Variants in DLGAP2 observed in about 807,000 individuals in gnomAD.
The protein encoded by DLGAP2 is disks large-associated protein 2.
A neutral mutation model predicts 100.3 loss-of-function variants in DLGAP2; 26 were observed. That is an observed-to-expected ratio of 0.26 (90% CI 0.19 to 0.36). The LOEUF is 0.36. Ranked by LOEUF, DLGAP2 falls within the 10% of genes least tolerant of loss-of-function variation. DLGAP2 has a pLI of 1.00. For missense variants in DLGAP2, 1,858 were observed against 1,453.2 expected (o/e 1.28, Z -4.53); for synonymous variants, 886 against 630.1 (o/e 1.41, Z -6.08).
rs1480263755 is a variant in DLGAP2, at chr8:1,626,066, T to C, written c.1443-674T>C. On this transcript the variant is annotated intron_variant, in intron 6 of 14. Coordinates refer to ENST00000637795, the MANE Select transcript of DLGAP2 (RefSeq NM_001346810.2). ...GGGTGTGGGTTGGATGGCTTTCCCA[T>C]CTCTGGCCTGTGGCGGGTGCTCAGC... Among the ~76,000 whole-genome samples the C allele has an allele frequency of 4.8e-3, 530 of 110,894 alleles. 94 individuals carry two copies. Among genetic ancestry groups the C allele is most frequent in the African/African-American group, 0.024 (487 of 20,384 alleles). The allele number at this position is 110,894 out of a possible 152,430, so 72.8% of individuals were successfully genotyped here.
intron 5 of DLGAP2, among the ~76,000 whole-genome samples, chr8:1,557,842 A>T (rs1584925113): frequency 6.6e-6 from 1 of 152,194 alleles, no homozygotes; most frequent in Non-Finnish European, 1.5e-5. Context: ...CACCCTGGTG[A>T]CCTCATTTTA....
chr8:804,818 T>C (rs552076056), intron 1 of DLGAP2, among the ~76,000 whole-genome samples: 4 of 152,278 alleles, frequency 2.6e-5, no homozygotes, highest in African/African-American at 7.2e-5. Flanking sequence ...CAGGCTCGAG[T>C]GCAGTGGTGC....
chr8:1,523,895 A>G (rs1268229831), intron 4 of DLGAP2, among the ~76,000 whole-genome samples: 2 of 152,210 alleles, frequency 1.3e-5, no homozygotes, highest in Non-Finnish European at 2.9e-5. Context: ...TCACTTGTGA[A>G]TTGAAAAGTT....
chr8:1,607,583 G>A (rs1796841550), intron 6 of DLGAP2, among the ~76,000 whole-genome samples: 1 of 152,230 alleles, frequency 6.6e-6, no homozygotes, highest in African/African-American at 2.4e-5. Flanking sequence ...TTCAGAGCGT[G>A]AGCGACGCAG....
chr8:844,531 G>A (rs190458926), intron 1 of DLGAP2, among the ~76,000 whole-genome samples: 72 of 151,680 alleles, frequency 4.7e-4, no homozygotes, highest in Admixed American at 6.6e-4. Flanking sequence ...GTCCTTCGTC[G>A]CCCATCAAGG....
intron 3 of DLGAP2, among the ~76,000 whole-genome samples, chr8:1,352,073 G>A (rs1249956559): frequency 1.3e-5 from 1 of 75,962 alleles, no homozygotes; most frequent in Non-Finnish European, 2.8e-5. Context: ...ACGGCCGTGC[G>A]GGTCCTGACT....
chr8:830,610 C>A (rs1007824701), intron 1 of DLGAP2, among the ~76,000 whole-genome samples: 1 of 152,196 alleles, frequency 6.6e-6, no homozygotes, highest in Non-Finnish European at 1.5e-5. Context: ...ACGGGTGCTA[C>A]TGAGTATGTT....
intron 3 of DLGAP2, among the ~76,000 whole-genome samples, chr8:1,448,249 CT>C (rs1342371784): frequency 6.6e-6 from 1 of 152,070 alleles, no homozygotes; most frequent in Non-Finnish European, 1.5e-5. Flanking sequence ...CCTCTACACA[CT>C]GCTTTGAATG....
intron 2 of DLGAP2, among the ~76,000 whole-genome samples, chr8:920,912 G>A (rs1003186752): frequency 1.3e-5 from 2 of 152,210 alleles, no homozygotes; most frequent in African/African-American, 4.8e-5. Context: ...GCACTTGGCA[G>A]GATGAGCTGA....
intron 1 of DLGAP2, chr8:753,967 A>G (rs1038989259): frequency 6.6e-6 from 1 of 152,176 alleles, no homozygotes; most frequent in African/African-American, 2.4e-5. Context: ...TGTCAGGTGC[A>G]CTTTAATTCC....
At chr8:1,446,706 G>A (rs1797994212) in intron 3 of DLGAP2, among the ~76,000 whole-genome samples, 1 of 152,168 alleles carries the variant, frequency 6.6e-6, no homozygotes, top group Non-Finnish European at 1.5e-5. Context: ...TCACAATATT[G>A]ATTCTTCCTA....
intron 1 of DLGAP2, among the ~76,000 whole-genome samples, chr8:892,522 TG>T (rs1798057143): frequency 6.6e-6 from 1 of 151,366 alleles, no homozygotes; most frequent in South Asian, 2.1e-4. Context: ...GAAAGTAGAA[TG>T]GGGGGTGCCA....
intron 3 of DLGAP2, among the ~76,000 whole-genome samples, chr8:1,277,850 G>T (rs1427413477): frequency 6.6e-6 from 1 of 152,200 alleles, no homozygotes; most frequent in Non-Finnish European, 1.5e-5. Context: ...GGCAGTGACT[G>T]CACAAGGACA....
intron 2 of DLGAP2, among the ~76,000 whole-genome samples, chr8:1,224,746 C>A (rs1008002898): frequency 3.9e-5 from 6 of 152,128 alleles, no homozygotes; most frequent in African/African-American, 1.2e-4. Flanking sequence ...TTCAACAACA[C>A]AAAAGCCTAA....
At chr8:1,665,916 G>A (rs1211122430) in intron 8 of DLGAP2, among the ~76,000 whole-genome samples, 2 of 152,152 alleles carry the variant, frequency 1.3e-5, no homozygotes, top group Admixed American at 6.5e-5. Flanking sequence ...CTCCACCCGC[G>A]GGCTCTCTGA....
intron 3 of DLGAP2, among the ~76,000 whole-genome samples, chr8:1,379,216 T>C (rs2129753887): frequency 6.6e-6 from 1 of 152,336 alleles, no homozygotes; most frequent in Middle Eastern, 3.4e-3. Flanking sequence ...CCTCCTGCCT[T>C]CGCAAATTTT....
intron 3 of DLGAP2, among the ~76,000 whole-genome samples, chr8:1,323,537 C>A (rs1343237277): frequency 6.6e-6 from 1 of 152,160 alleles, no homozygotes; most frequent in African/African-American, 2.4e-5. Flanking sequence ...GAGTGTAGTG[C>A]GGGAAGCAAT....
chr8:1,691,394 C>G, intron 12 of DLGAP2, 141 bp from the exon 13 acceptor site: 2 of 668,714 alleles, frequency 3.0e-6, no homozygotes, highest in Non-Finnish European at 5.1e-6. Flanking sequence ...CACGAGTCAC[C>G]AGCGAACACG....
intron 2 of DLGAP2, among the ~76,000 whole-genome samples, chr8:967,916 T>A (rs1799920464): frequency 7.4e-6 from 1 of 134,504 alleles, no homozygotes; most frequent in Non-Finnish European, 1.6e-5. Flanking sequence ...AACAAACAGG[T>A]GTTTTCTTCA....
Sources: gnomAD v4.1 joint callset for allele counts (sites outside exome capture counted in the v4.1 genomes callset) on GRCh38, gnomAD v4.1.1 for gene constraint, MANE v1.5 for transcripts, NCBI Gene and HGNC (gene_info 2026-07-23, HGNC 2026-07-21) for gene names.